Variants in NBPF12 observed in about 807,000 individuals in gnomAD.
NBPF12 encodes the protein NBPF member 12.
A neutral mutation model predicts 146.4 loss-of-function variants in NBPF12; 115 were observed. The observed-to-expected ratio is 0.79, with a 90% confidence interval of 0.68 to 0.92. NBPF12 has a LOEUF of 0.92. NBPF12 is among the 40% of genes least tolerant of loss of function. The pLI is 0.00. For missense variants in NBPF12, 1,205 were observed against 1,326.8 expected (o/e 0.91, Z 1.43); for synonymous variants, 385 against 508.9 (o/e 0.76, Z 3.28).
In NBPF12 at chr1:146,970,628, G is replaced by A. The variant is rs1553886251; in HGVS notation, c.1307-19G>A. On this transcript the variant is annotated intron_variant, in intron 11 of 33. Transcript: ENST00000617844. ...AATGTGAAGTGGAAAATATCTGAACGAACATTTTGTATTTATAGAAAATGA... is the reference window on the plus strand; with the variant it reads ...AATGTGAAGTGGAAAATATCTGAACAAACATTTTGTATTTATAGAAAATGA... 1.2e-5 allele frequency: 18 copies of A among 1,563,066 alleles called. No individual in the cohort carries two copies. The highest frequency in any genetic ancestry group is 4.1e-5 in the African/African-American group (3 of 72,738).
At chr1:146,972,960 A>G (rs1484197674) in exon 14 of NBPF12, 146,810 of 914,630 alleles carry the variant, frequency 0.16, 14,860 homozygotes, top group Admixed American at 0.34. Flanking sequence ...GAACAAATAC[A>G]GTAAGATCTA....
chr1:146,992,460 CTCTG>C (rs1337756948), intron 31 of NBPF12, among the ~76,000 whole-genome samples: 2,422 of 88,244 alleles, frequency 0.027, 14 homozygotes, highest in Admixed American at 0.07. Flanking sequence ...CTCTCTCTCT[CTCTG>C]TGTGTGTGTG....
chr1:146,972,658 A>T, intron 13 of NBPF12, 93 bp from the exon 17 acceptor site: 1 of 1,070,732 alleles, frequency 9.3e-7, no homozygotes, highest in Non-Finnish European at 1.5e-6. Context: ...AAATAAGTAG[A>T]CAAGGCTACC....
At chr1:146,957,040 T>TA (rs1197448022) in intron 2 of NBPF12, 1 of 122,842 alleles carries the variant, frequency 8.1e-6, no homozygotes, top group African/African-American at 2.9e-5. Context: ...TTTTTATTCA[T>TA]AAAAAATCCA....
At chr1:146,980,378 A>T (rs1423362341) in intron 19 of NBPF12, among the ~76,000 whole-genome samples, 1 of 151,790 alleles carries the variant, frequency 6.6e-6, no homozygotes, top group Non-Finnish European at 1.5e-5. Context: ...TGGTTATTTC[A>T]CCCGTTAGTT....
rs1553886435 is a variant in NBPF12 at position 146,971,379 on chromosome 1, C to T, written c.1576C>T (p.Leu526=). The change falls in exon 13 of 34, where the codon CTA becomes TTA. Residue 526 remains leucine (L), a synonymous_variant. Coordinates refer to ENST00000617844, the Ensembl canonical transcript of NBPF12. ...CTCTCATGATGAATGTCAGGATGCT[C>T]TAAACATTCTCCCAGGTAGCCTCTA... The T allele has an allele frequency of 3.1e-6, 5 of 1,610,720 alleles. 1 individual carries two copies. The highest frequency in any genetic ancestry group is 2.7e-5 in the African/African-American group (2 of 73,284).
intron 7 of NBPF12, 55 bp downstream of exon 10, chr1:146,964,484 G>C (rs1377350788): frequency 1.3e-6 from 2 of 1,592,756 alleles, no homozygotes; most frequent in African/African-American, 1.4e-5. Context: ...AAAATGTCTA[G>C]AAGGCACACC....
Position 146,972,430 on chromosome 1 carries a change from A to G in NBPF12, c.1592-321A>G, listed in dbSNP as rs1559524025. Among the ~76,000 whole-genome samples, 6 of 151,544 alleles carry G rather than the reference A, an allele frequency of 4.0e-5. No homozygotes were observed. In the South Asian group the frequency reaches 1.2e-3, roughly 31 times the overall value. On this transcript the variant is annotated intron_variant, in intron 13 of 33. Transcript: ENST00000617844. ...AAAAAACCAAAAAAGAAAAAAATTAAAAAAGCAAAATGAAATCTTTTGTGC... is the reference window on the plus strand; with the variant it reads ...AAAAAACCAAAAAAGAAAAAAATTAGAAAAGCAAAATGAAATCTTTTGTGC...
At chr1:146,965,202 T>A (rs1656110814) in intron 8 of NBPF12, 98 bp downstream of exon 11, 5 of 810,098 alleles carry the variant, frequency 6.2e-6, no homozygotes. Context: ...ATTGTTTTAG[T>A]CAGAAACTAG....
exon 34 of NBPF12, chr1:146,995,283 G>A (rs3881701): frequency 0.1 from 12,670 of 124,434 alleles, 754 homozygotes; most frequent in East Asian, 0.21. Flanking sequence ...GGACTCTGCC[G>A]GTGCAGAATA....
At chr1:146,965,791 CAAAAAAAAAAAA>C (rs1162462110) in intron 8 of NBPF12, among the ~76,000 whole-genome samples, 1,371 of 30,038 alleles carry the variant, frequency 0.046, 33 homozygotes, top group Admixed American at 0.077. Context: ...GACTGCATCT[CAAAAAAAAAAAA>C]AAAAAAAAAA....
chr1:146,966,421 A>C, intron 8 of NBPF12, 43 bp from the exon 12 acceptor site: 1 of 1,337,708 alleles, frequency 7.5e-7, no homozygotes, highest in East Asian at 2.3e-5. Context: ...ACTTGATTTC[A>C]CCAGTTTTTA....
At chr1:146,961,729 C>T (rs1655863114) in intron 4 of NBPF12, among the ~76,000 whole-genome samples, 1 of 151,686 alleles carries the variant, frequency 6.6e-6, no homozygotes, top group African/African-American at 2.4e-5. Flanking sequence ...CATATTTGTC[C>T]TTGAAATACC....
At chr1:146,971,277 A>C in exon 13 of NBPF12, 1 of 1,612,428 alleles carries the variant, frequency 6.2e-7, no homozygotes, top group Non-Finnish European at 8.5e-7. Context: ...TTGTGACTCC[A>C]ACCAGCCTCA....
chr1:146,984,990 G>T lies in NBPF12; in HGVS notation c.2839+5G>T. 8.2e-7 allele frequency: 1 copy of T among 1,216,284 alleles called. No homozygotes were observed. The highest frequency in any genetic ancestry group is 1.2e-6 in the Non-Finnish European group (1 of 821,326). The allele number at this position is 1,216,284 out of a possible 1,614,324, so 75.3% of individuals were successfully genotyped here. A position where few individuals can be genotyped will look rare whatever the true frequency, so the allele number is the denominator to read the frequency against. On this transcript the variant is annotated splice_donor_5th_base_variant and intron_variant, in intron 22 of 33. Coordinates refer to ENST00000617844, the Ensembl canonical transcript of NBPF12. ...GCTTGGCTGTTGACATGGATGGTGAGTACCTTTCTATGAAGGTGATAAGGA... is the reference window on the plus strand; with the variant it reads ...GCTTGGCTGTTGACATGGATGGTGATTACCTTTCTATGAAGGTGATAAGGA...
rs1440294925 is a variant in NBPF12 at position 146,950,925 on chromosome 1, C to T, written c.-325-423C>T. On this transcript the variant is annotated intron_variant, in intron 1 of 33. Coordinates refer to ENST00000617844, the Ensembl canonical transcript of NBPF12. ...TGTTTTAATTTCTCTTGGATAAATG[C>T]TTAGGAATTACTGAGTCATAGAATA... is the stretch of plus-strand genomic sequence containing the variant. Among the ~76,000 whole-genome samples, 79 of 152,146 alleles carry T rather than the reference C, an allele frequency of 5.2e-4. 1 individual carries two copies. The highest frequency in any genetic ancestry group is 1.8e-3 in the African/African-American group (76 of 41,450).
chr1:146,943,075 TTTTTATTTTC>T (rs1654877433), intron 1 of NBPF12, among the ~76,000 whole-genome samples: 2 of 145,332 alleles, frequency 1.4e-5, no homozygotes, highest in African/African-American at 5.1e-5. Flanking sequence ...AATTTCTCAT[TTTTTATTTTC>T]AGAGATGGGG....
At chr1:146,963,760 C>G (rs1656014797) in intron 6 of NBPF12, among the ~76,000 whole-genome samples, 1 of 148,908 alleles carries the variant, frequency 6.7e-6, no homozygotes, top group Non-Finnish European at 1.5e-5. Context: ...CTGAAGCATC[C>G]AAATATGGGA....
chr1:146,970,708 A>C (rs1656545753), exon 12 of NBPF12: 2 of 1,375,768 alleles, frequency 1.5e-6, no homozygotes, highest in Non-Finnish European at 2.1e-6. Flanking sequence ...TGCTGGAATC[A>C]TCTTCCCCCA....
Sources: gnomAD v4.1 joint callset for allele counts (sites outside exome capture counted in the v4.1 genomes callset) on GRCh38, gnomAD v4.1.1 for gene constraint, MANE v1.5 for transcripts, NCBI Gene and HGNC (gene_info 2026-07-23, HGNC 2026-07-21) for gene names.